PCNX2: variants seen among roughly 807,000 people sequenced by gnomAD.
The protein encoded by PCNX2 is pecanex-like protein 2.
Under a neutral mutation model 223.8 loss-of-function variants are expected in PCNX2, and 168 were observed. That is an observed-to-expected ratio of 0.75 (90% CI 0.66 to 0.85). The LOEUF is 0.85. PCNX2 is among the 40% of genes least tolerant of loss of function. The probability of loss-of-function intolerance (pLI) is 0.00; values close to 1 mark genes in which losing one functional copy is unlikely to be tolerated. For synonymous variants in PCNX2, 1,006 were observed against 1,052.6 expected, an observed-to-expected ratio of 0.96 and a Z score of 0.86; for missense variants, 2,507 against 2,675.5, an observed-to-expected ratio of 0.94 and a Z score of 1.39.
rs1312119317 is a variant in PCNX2, at chr1:232,998,241, C to T, written c.5791+10G>A. 2 of 1,544,820 alleles carry T rather than the reference C, an allele frequency of 1.3e-6. No individual in the cohort carries two copies. The highest frequency in any genetic ancestry group is 1.2e-5 in the South Asian group (1 of 80,342). ...TTCATCGATAGTTTGGAGGCCCCTG[C>T]TGCACCCACCTGTTCTCTGTGTCCC... is the stretch of plus-strand genomic sequence containing the variant. On this transcript the variant is annotated intron_variant, in intron 32 of 33. Coordinates refer to ENST00000258229, the MANE Select transcript of PCNX2 (RefSeq NM_014801.4).
chr1:233,210,937 C>T (rs1681779215), intron 12 of PCNX2, among the ~76,000 whole-genome samples: 1 of 152,188 alleles, frequency 6.6e-6, no homozygotes, highest in African/African-American at 2.4e-5. Context: ...AAATGCTAGT[C>T]TCAGTGCAGA....
intron 10 of PCNX2, 62 bp from the exon 11 acceptor site, chr1:233,218,246 CTTTTTTT>C: frequency 2.0e-6 from 1 of 498,816 alleles, no homozygotes; most frequent in Non-Finnish European, 2.8e-6. Context: ...TAAGTTTTGC[CTTTTTTT>C]TTTTTTTTTT....
intron 12 of PCNX2, among the ~76,000 whole-genome samples, chr1:233,212,888 T>C (rs1290748995): frequency 6.6e-6 from 1 of 152,238 alleles, no homozygotes; most frequent in East Asian, 1.9e-4. Flanking sequence ...TCATTCAAAA[T>C]CATTCCTCTG....
intron 23 of PCNX2, among the ~76,000 whole-genome samples, chr1:233,060,302 A>G (rs919543363): frequency 2.0e-5 from 3 of 152,240 alleles, no homozygotes; most frequent in Non-Finnish European, 4.4e-5. Flanking sequence ...GACCTACCAC[A>G]AATGGAATTT....
At chr1:233,061,986 T>C (rs1672423971) in intron 23 of PCNX2, among the ~76,000 whole-genome samples, 1 of 152,166 alleles carries the variant, frequency 6.6e-6, no homozygotes, top group Admixed American at 6.5e-5. Context: ...CTCAAACTCC[T>C]GACCTCAGGT....
chr1:233,025,622 A>T (rs1250392561), intron 25 of PCNX2: 2 of 585,718 alleles, frequency 3.4e-6, no homozygotes, highest in African/African-American at 3.7e-5. Flanking sequence ...TAGAAAATAT[A>T]TTTAAACGAT....
chr1:233,070,228 C>G (rs911674008), intron 23 of PCNX2, among the ~76,000 whole-genome samples: 1 of 152,036 alleles, frequency 6.6e-6, no homozygotes, highest in Non-Finnish European at 1.5e-5. Context: ...CTTAGAAACT[C>G]CCCCCAAAAT....
At chr1:233,164,617 G>T (rs1480912865) in intron 17 of PCNX2, among the ~76,000 whole-genome samples, 1 of 134,752 alleles carries the variant, frequency 7.4e-6, no homozygotes, top group Admixed American at 7.6e-5. Flanking sequence ...TGATATATAT[G>T]AAATATATAT....
chr1:233,153,063 A>C (rs1449845721), intron 19 of PCNX2, among the ~76,000 whole-genome samples: 2 of 152,222 alleles, frequency 1.3e-5, no homozygotes, highest in Non-Finnish European at 2.9e-5. Flanking sequence ...AGAAAAACCT[A>C]GTCACAAACA....
chr1:233,094,564 T>C (rs1422520691), intron 22 of PCNX2, among the ~76,000 whole-genome samples: 1 of 152,132 alleles, frequency 6.6e-6, no homozygotes, highest in Non-Finnish European at 1.5e-5. Context: ...CTTAACATTT[T>C]TTTTAAAAAA....
At position 233,252,447 on chromosome 1, in the gene PCNX2, CTTGTTGGG is replaced by C; in HGVS notation, c.2027_2034del (p.Ser676Ter). Reference sequence around the variant, plus strand: ...CTGATGACTTGCAAGACAGAACTATCTTGTTGGGAAGTTACCCTGTAGATTATCTGTCT... The same window carrying C: ...CTGATGACTTGCAAGACAGAACTATCAAGTTACCCTGTAGATTATCTGTCT... On this transcript the variant is annotated frameshift_variant, in exon 7 of 34. Transcript: ENST00000258229. LOFTEE classifies it high-confidence loss of function. 2 of 1,613,714 alleles carry C rather than the reference CTTGTTGGG, an allele frequency of 1.2e-6. No homozygotes were observed. Among genetic ancestry groups the C allele is most frequent in the Non-Finnish European group, 1.7e-6 (2 of 1,179,618 alleles).
intron 10 of PCNX2, among the ~76,000 whole-genome samples, 186 bp from the exon 11 acceptor site, chr1:233,218,370 T>C (rs1233190736): frequency 6.7e-6 from 1 of 149,274 alleles, no homozygotes; most frequent in Non-Finnish European, 1.5e-5. Context: ...TGCCTCAGCC[T>C]CCGGAGTAGC....
At chr1:233,194,878 G>A (rs927834917) in intron 15 of PCNX2, among the ~76,000 whole-genome samples, 29 of 151,898 alleles carry the variant, frequency 1.9e-4, no homozygotes, top group African/African-American at 5.6e-4. Flanking sequence ...TTAACTGGGC[G>A]TGGTGGTGGG....
chr1:233,084,723 T>A (rs1405310525), intron 23 of PCNX2, among the ~76,000 whole-genome samples: 1 of 152,226 alleles, frequency 6.6e-6, no homozygotes, highest in Non-Finnish European at 1.5e-5. Flanking sequence ...ATGACAAAGT[T>A]TGGTTATTTA....
rs1420490498 is a variant in PCNX2, at chr1:233,001,784, G to A, written c.4953-103C>T. 1 of 1,127,674 alleles carries A rather than the reference G, an allele frequency of 8.9e-7. No individual in the cohort carries two copies. Among genetic ancestry groups the A allele is most frequent in the African/African-American group, 1.6e-5 (1 of 63,308 alleles). The allele number at this position is 1,127,674 out of a possible 1,614,324, so 69.9% of individuals were successfully genotyped here. ...GTCTAAGAATTATCTTAACATTTAG[G>A]CTGATATAGCAAGAAAATGAAGATA... On this transcript the variant is annotated intron_variant, in intron 28 of 33. Transcript: ENST00000258229. The surrounding 1 kb of genome is among the most constrained non-coding windows in gnomAD (Gnocchi z 4.2).
intron 1 of PCNX2, among the ~76,000 whole-genome samples, chr1:233,279,389 TTGTGTG>T (rs57288356): frequency 2.3e-4 from 33 of 142,676 alleles, no homozygotes; most frequent in Middle Eastern, 3.6e-3. Context: ...TAATTTGTGT[TTGTGTG>T]TGTGTGTGTG....
chr1:233,109,781 A>T (rs1675007367), intron 21 of PCNX2, among the ~76,000 whole-genome samples: 1 of 152,260 alleles, frequency 6.6e-6, no homozygotes, highest in South Asian at 2.1e-4. Context: ...AATAAATAAT[A>T]GCCAATAAAT....
chr1:233,000,971 C>G lies in PCNX2; in HGVS notation c.5098-436G>C, dbSNP rs1558153589. On this transcript the variant is annotated intron_variant, in intron 29 of 33. Coordinates refer to ENST00000258229, the MANE Select transcript of PCNX2 (RefSeq NM_014801.4). The surrounding 1 kb of genome is among the most constrained non-coding windows in gnomAD (Gnocchi z 4.6). ...TAATAAACCCACTTACAGTGCTGTGCAGAGAAAGGAGACCATATTTTTAAA... is the reference window on the plus strand; with the variant it reads ...TAATAAACCCACTTACAGTGCTGTGGAGAGAAAGGAGACCATATTTTTAAA... Among the ~76,000 whole-genome samples the G allele has an allele frequency of 1.3e-5, 2 of 152,128 alleles. No homozygotes were observed. Among genetic ancestry groups the G allele is most frequent in the Non-Finnish European group, 2.9e-5 (2 of 68,030 alleles).
In PCNX2 at chr1:233,150,489, A is replaced by G. The variant is rs144771172; in HGVS notation, c.3517+9794T>C. Among the ~76,000 whole-genome samples, 624 of 152,300 alleles carry G rather than the reference A, an allele frequency of 4.1e-3. 2 individuals carry two copies. The highest frequency in any genetic ancestry group is 0.014 in the African/African-American group (583 of 41,554). ...TGAGAGAATCAGAATATTAAAGTTT[A>G]TGTTTTTCAAGGAATAAAAACTTTC... On this transcript the variant is annotated intron_variant, in intron 19 of 33. Transcript: ENST00000258229.
Sources: allele counts gnomAD v4.1 joint callset (sites outside exome capture counted in the v4.1 genomes callset), GRCh38; gene constraint gnomAD v4.1.1; non-coding constraint Gnocchi (gnomAD v3.1); transcripts MANE v1.5; gene names NCBI Gene and HGNC (gene_info 2026-07-23, HGNC 2026-07-21).